CREB5: variants seen among roughly 807,000 people sequenced by gnomAD.
CREB5 encodes cAMP responsive element binding protein 5.
In CREB5, 19 loss-of-function variants were observed where a neutral mutation model predicts 57.1. The observed-to-expected ratio is 0.33, with a 90% CI of 0.23 to 0.49. CREB5 has a LOEUF of 0.49. Among genes scored for constraint, CREB5 ranks in the 20% least tolerant of loss-of-function variants. CREB5 has a pLI of 0.99. For missense variants in CREB5, 579 were observed against 671.6 expected (o/e 0.86, Z 1.52); for synonymous variants, 238 against 238.3 (o/e 1.00, Z 0.01).
At position 28,514,285 on chromosome 7, in the gene CREB5, G is replaced by A. The variant is rs554872141; in HGVS notation, c.291+6548G>A. 2.0e-5 allele frequency among the ~76,000 whole-genome samples: 3 copies of A among 152,308 alleles called. No individual in the cohort carries two copies. The South Asian group carries it at 6.2e-4, about 32-fold the overall frequency. ...AACAGGCAAAGTGAAGGGGGGAGGTGGTTGTGACAGTAATTTCAGACGAAT... is the reference window on the plus strand; with the variant it reads ...AACAGGCAAAGTGAAGGGGGGAGGTAGTTGTGACAGTAATTTCAGACGAAT... On this transcript the variant is annotated intron_variant, in intron 4 of 10. Transcript: ENST00000357727.
At chr7:28,447,293 A>C (rs1312007371) in intron 1 of CREB5, among the ~76,000 whole-genome samples, 1 of 152,254 alleles carries the variant, frequency 6.6e-6, no homozygotes, top group Non-Finnish European at 1.5e-5. Flanking sequence ...ATAGTCTTGC[A>C]GTTCACATGT....
intron 1 of CREB5, among the ~76,000 whole-genome samples, chr7:28,311,727 T>C (rs1414643608): frequency 6.6e-6 from 1 of 152,202 alleles, no homozygotes; most frequent in Non-Finnish European, 1.5e-5. Flanking sequence ...GCCGGTGTAC[T>C]CCTGGGCAAG....
intron 5 of CREB5, among the ~76,000 whole-genome samples, chr7:28,592,995 TG>T (rs1796577184): frequency 6.6e-6 from 1 of 152,234 alleles, no homozygotes; most frequent in Admixed American, 6.5e-5. Context: ...ACCCAAGTAG[TG>T]GGGTGTGCAT....
At chr7:28,607,979 T>C (rs1350629252) in intron 5 of CREB5, among the ~76,000 whole-genome samples, 1 of 152,040 alleles carries the variant, frequency 6.6e-6, no homozygotes, top group Admixed American at 6.5e-5. Context: ...TGGTGTTTCC[T>C]GGGTAATGTC....
chr7:28,520,558 G>T (rs764646461), intron 4 of CREB5, among the ~76,000 whole-genome samples: 1 of 152,334 alleles, frequency 6.6e-6, no homozygotes, highest in Non-Finnish European at 1.5e-5. Context: ...TCACTGGGCT[G>T]ACTGTAAAAT....
intron 7 of CREB5, among the ~76,000 whole-genome samples, chr7:28,774,261 G>A (rs1253208997): frequency 6.6e-6 from 1 of 152,190 alleles, no homozygotes; most frequent in Non-Finnish European, 1.5e-5. Flanking sequence ...GCAGGTAGTA[G>A]TCTAGACAGA....
chr7:28,487,650 T>C (rs538422045), intron 1 of CREB5, among the ~76,000 whole-genome samples: 1 of 152,320 alleles, frequency 6.6e-6, no homozygotes, highest in Non-Finnish European at 1.5e-5. Flanking sequence ...CACAGCTACT[T>C]TGTAGTCCCT....
intron 5 of CREB5, among the ~76,000 whole-genome samples, chr7:28,622,474 C>G (rs977999547): frequency 6.6e-6 from 1 of 152,038 alleles, no homozygotes; most frequent in Non-Finnish European, 1.5e-5. Context: ...GTAGAAAGAA[C>G]AAAAAGAAAA....
chr7:28,560,973 C>CGTGT lies in CREB5; in HGVS notation c.292-9388_292-9385dup, dbSNP rs1201099608. 1.5e-3 allele frequency among the ~76,000 whole-genome samples: 49 copies of CGTGT among 31,722 alleles called. 7 individuals are homozygous for CGTGT. Among genetic ancestry groups the CGTGT allele is most frequent in the African/African-American group, 5.5e-3 (44 of 7,982 alleles). The allele number at this position is 31,722 out of a possible 152,430, so 20.8% of individuals were successfully genotyped here. On this transcript the variant is annotated intron_variant, in intron 4 of 10. Coordinates refer to ENST00000357727, the MANE Select transcript of CREB5 (RefSeq NM_182898.4). ...GTGCGTGTGTGTGCGTGTGTGTGTG[C>CGTGT]GTGTGTGCGTGCGTGTGTGTGCCTG...
At chr7:28,400,663 A>C (rs1411866775) in intron 1 of CREB5, among the ~76,000 whole-genome samples, 3 of 152,228 alleles carry the variant, frequency 2.0e-5, no homozygotes, top group Non-Finnish European at 4.4e-5. Context: ...GTTCAGAGTA[A>C]CTTCCCAGAT....
intron 7 of CREB5, among the ~76,000 whole-genome samples, chr7:28,801,947 T>G (rs1260270162): frequency 1.3e-5 from 2 of 151,558 alleles, no homozygotes; most frequent in African/African-American, 2.4e-5. Flanking sequence ...TAGCTGGGCA[T>G]GGTGGCACAC....
chr7:28,541,600 G>C (rs1420875196), intron 4 of CREB5, among the ~76,000 whole-genome samples: 1 of 152,216 alleles, frequency 6.6e-6, no homozygotes, highest in Non-Finnish European at 1.5e-5. Flanking sequence ...CCGGGAGGCA[G>C]AGGTTGCAGT....
intron 1 of CREB5, among the ~76,000 whole-genome samples, chr7:28,432,244 A>C (rs1788747535): frequency 6.6e-6 from 1 of 152,208 alleles, no homozygotes; most frequent in Non-Finnish European, 1.5e-5. Flanking sequence ...TCCTTGGATC[A>C]TAGGGATTCC....
chr7:28,685,968 G>A (rs1800875334), intron 5 of CREB5: 1 of 583,278 alleles, frequency 1.7e-6, no homozygotes, highest in Non-Finnish European at 3.0e-6. Flanking sequence ...GGAGGAGGGC[G>A]AGACCAGGAG....
intron 7 of CREB5, among the ~76,000 whole-genome samples, chr7:28,756,323 C>T (rs529809779): frequency 6.6e-5 from 10 of 152,090 alleles, no homozygotes; most frequent in East Asian, 5.8e-4. Flanking sequence ...GAGGCCGAGG[C>T]GGGCAGATCA....
chr7:28,650,638 A>G (rs886241297), intron 5 of CREB5, among the ~76,000 whole-genome samples: 4 of 152,162 alleles, frequency 2.6e-5, no homozygotes, highest in African/African-American at 9.7e-5. Context: ...TTAGAAGGAA[A>G]CAAATCATCA....
chr7:28,326,448 C>A (rs1000602372), intron 1 of CREB5, among the ~76,000 whole-genome samples: 2 of 152,194 alleles, frequency 1.3e-5, no homozygotes, highest in Non-Finnish European at 2.9e-5. Flanking sequence ...CAAGCTCATG[C>A]CAATTGGGAA....
At chr7:28,700,320 G>A (rs1159476169) in intron 5 of CREB5, among the ~76,000 whole-genome samples, 2 of 152,034 alleles carry the variant, frequency 1.3e-5, no homozygotes, top group African/African-American at 2.4e-5. Context: ...CCTCTTCGAG[G>A]ACCATCCCCT....
At chr7:28,395,413 GAAGA>G (rs1304468606) in intron 1 of CREB5, among the ~76,000 whole-genome samples, 2 of 152,178 alleles carry the variant, frequency 1.3e-5, no homozygotes, top group Non-Finnish European at 2.9e-5. Context: ...CAAAGAAAAG[GAAGA>G]AAGAGAGGTC....
Sources: allele counts gnomAD v4.1 joint callset (sites outside exome capture counted in the v4.1 genomes callset), GRCh38; gene constraint gnomAD v4.1.1; transcripts MANE v1.5; gene names NCBI Gene and HGNC (gene_info 2026-07-23, HGNC 2026-07-21).